The following IL1RL2 variants were observed in gnomAD, a reference collection of about 807,000 sequenced individuals.
IL1RL2 encodes interleukin-1 receptor-like 2.
A neutral mutation model predicts 66.8 loss-of-function variants in IL1RL2; 68 were observed. The ratio of observed to expected loss-of-function variants is 1.02; its 90% CI spans 0.84 to 1.25. The LOEUF (loss-of-function observed/expected upper bound fraction) is 1.25. Among genes scored for constraint, IL1RL2 ranks in the 50% most tolerant of loss-of-function variants. The probability of loss-of-function intolerance (pLI) is 0.00; values close to 1 mark genes in which losing one functional copy is unlikely to be tolerated. For synonymous variants in IL1RL2, 305 were observed against 264.6 expected (o/e 1.15, Z -1.48); for missense variants, 729 against 709.3 (o/e 1.03, Z -0.32).
intron 3 of IL1RL2, among the ~76,000 whole-genome samples, chr2:102,190,379 C>G (rs1013383721): frequency 6.6e-6 from 1 of 152,168 alleles, no homozygotes; most frequent in African/African-American, 2.4e-5. Context: ...CTCTCTGAGC[C>G]TTGGTTTTTT....
intron 6 of IL1RL2, among the ~76,000 whole-genome samples, chr2:102,218,069 A>G (rs1340364368): frequency 6.6e-6 from 1 of 152,198 alleles, no homozygotes; most frequent in Admixed American, 6.5e-5. Flanking sequence ...GAAGGAACTC[A>G]AACAGCTGAA....
At chr2:102,233,179 CTGTTCCTCCACT>C in intron 10 of IL1RL2, 55 bp downstream of exon 10, 1 of 1,526,140 alleles carries the variant, frequency 6.6e-7, no homozygotes, top group Non-Finnish European at 9.0e-7. Context: ...AGCGACCCCT[CTGTTCCTCCACT>C]TTACTAATGG....
chr2:102,198,281 C>A (rs759405761), intron 4 of IL1RL2, among the ~76,000 whole-genome samples: 1 of 152,108 alleles, frequency 6.6e-6, no homozygotes, highest in Non-Finnish European at 1.5e-5. Flanking sequence ...TGGATAATGG[C>A]AAATCCCTAC....
intron 9 of IL1RL2, 91 bp from the exon 10 acceptor site, chr2:102,232,872 G>A: frequency 6.9e-7 from 1 of 1,454,326 alleles, no homozygotes; most frequent in South Asian, 1.3e-5. Flanking sequence ...CCAGGCCAAA[G>A]GACACCATGG....
intron 8 of IL1RL2, among the ~76,000 whole-genome samples, chr2:102,224,617 A>C (rs993614972): frequency 6.6e-6 from 1 of 152,170 alleles, no homozygotes; most frequent in Non-Finnish European, 1.5e-5. Context: ...GGGTAAAAGA[A>C]AAAAATACAG....
At chr2:102,193,576 T>G (rs1278972716) in intron 4 of IL1RL2, among the ~76,000 whole-genome samples, 1 of 152,194 alleles carries the variant, frequency 6.6e-6, no homozygotes, top group African/African-American at 2.4e-5. Flanking sequence ...GGTCTCGAAC[T>G]CCTGGCCTCA....
intron 5 of IL1RL2, among the ~76,000 whole-genome samples, chr2:102,205,617 A>T (rs1688637776): frequency 6.6e-6 from 1 of 152,184 alleles, no homozygotes; most frequent in African/African-American, 2.4e-5. Flanking sequence ...TTAGAGCTCC[A>T]TTGTATGTTA....
In IL1RL2 at chr2:102,199,663, G is replaced by A. The variant is rs1361572945; in HGVS notation, c.490-1893G>A. 2.5e-4 allele frequency among the ~76,000 whole-genome samples: 38 copies of A among 152,122 alleles called. 1 individual carries two copies. The highest frequency in any genetic ancestry group is 7.2e-5 in the African/African-American group (3 of 41,426). On this transcript the variant is annotated intron_variant, in intron 4 of 11. Coordinates refer to ENST00000264257, the MANE Select transcript of IL1RL2 (RefSeq NM_003854.4). ...GAGGTAGTCTAAGTTATAGCAAAGCGACAGAATGGCCCTCAGCTGCAAGGC... is the reference window on the plus strand; with the variant it reads ...GAGGTAGTCTAAGTTATAGCAAAGCAACAGAATGGCCCTCAGCTGCAAGGC...
chr2:102,226,612 T>C (rs1275710178), intron 9 of IL1RL2, among the ~76,000 whole-genome samples: 2 of 149,786 alleles, frequency 1.3e-5, no homozygotes, highest in Non-Finnish European at 3.0e-5. Flanking sequence ...TTCTCAGCTA[T>C]AGAAAGGAAT....
intron 6 of IL1RL2, among the ~76,000 whole-genome samples, chr2:102,215,674 T>A (rs1689551734): frequency 6.6e-6 from 1 of 152,006 alleles, no homozygotes; most frequent in Non-Finnish European, 1.5e-5. Flanking sequence ...AGAACCAACA[T>A]GGTAGCCCAG....
At chr2:102,220,064 GGC>G in intron 8 of IL1RL2, 47 bp downstream of exon 8, 1 of 1,510,112 alleles carries the variant, frequency 6.6e-7, no homozygotes. Context: ...TCAAAACGAT[GGC>G]CAGGAAACAC....
chr2:102,189,081 T>A lies in IL1RL2; in HGVS notation c.64T>A (p.Cys22Ser), dbSNP rs749189028. 1 of 1,612,368 alleles carries A rather than the reference T, an allele frequency of 6.2e-7. No individual in the cohort carries two copies. Among genetic ancestry groups the A allele is most frequent in the Non-Finnish European group, 8.5e-7 (1 of 1,178,566 alleles). Residue 22 changes from cysteine to serine, a missense_variant, in exon 3 of 12, where the codon TGC becomes AGC. By Grantham distance (112) the Cys-to-Ser change is moderately radical. Transcript: ENST00000264257. ...TTTTGTTTTTCTTTCCCTAGATGGA[T>A]GCAAGGACATTTTTATGAAAAATGA... is the stretch of plus-strand genomic sequence containing the variant. ...ALPLSVTADG[C>S]KDIFMKNEIL...
intron 4 of IL1RL2, among the ~76,000 whole-genome samples, chr2:102,197,192 C>T (rs1687860149): frequency 6.6e-6 from 1 of 152,114 alleles, no homozygotes; most frequent in African/African-American, 2.4e-5. Context: ...GGTACCAAGA[C>T]CCCTGTTTAT....
At chr2:102,207,014 C>T in intron 5 of IL1RL2, among the ~76,000 whole-genome samples, 1 of 152,210 alleles carries the variant, frequency 6.6e-6, no homozygotes, top group East Asian at 1.9e-4. Context: ...GCCTCAGCAT[C>T]CATAGCCAGT....
intron 8 of IL1RL2, among the ~76,000 whole-genome samples, chr2:102,220,594 T>A (rs374440108): frequency 6.6e-6 from 1 of 152,162 alleles, no homozygotes; most frequent in African/African-American, 2.4e-5. Context: ...TCGTAACCTA[T>A]CAGGGGAGGT....
chr2:102,195,609 CTTTCTTTCTT>C (rs1559530056), intron 4 of IL1RL2, among the ~76,000 whole-genome samples: 1 of 17,910 alleles, frequency 5.6e-5, no homozygotes, highest in Non-Finnish European at 1.3e-4. Flanking sequence ...TTCTTTCTTT[CTTTCTTTCTT>C]TCTTTCTTTC....
intron 7 of IL1RL2, among the ~76,000 whole-genome samples, chr2:102,219,352 G>C (rs923301104): frequency 6.6e-6 from 1 of 152,012 alleles, no homozygotes. Context: ...TTAATGCCCC[G>C]GGCATACAAA....
intron 4 of IL1RL2, among the ~76,000 whole-genome samples, chr2:102,197,090 G>T (rs907212828): frequency 2.6e-5 from 4 of 152,134 alleles, no homozygotes; most frequent in Non-Finnish European, 5.9e-5. Context: ...ATGTCTGAGG[G>T]CCCCTAATTT....
intron 8 of IL1RL2, among the ~76,000 whole-genome samples, chr2:102,220,423 G>A (rs1029815910): frequency 6.6e-6 from 1 of 152,088 alleles, no homozygotes; most frequent in Non-Finnish European, 1.5e-5. Context: ...ATCTGTAGAG[G>A]CTGAATTCTG....
Sources: allele counts gnomAD v4.1 joint callset (sites outside exome capture counted in the v4.1 genomes callset), GRCh38; gene constraint gnomAD v4.1.1; transcripts MANE v1.5; gene names NCBI Gene and HGNC (gene_info 2026-07-23, HGNC 2026-07-21).